Variants in LRP12 observed in about 807,000 individuals in gnomAD.
LRP12 encodes LDL receptor related protein 12.
Under a neutral mutation model 66.0 loss-of-function variants are expected in LRP12, and 14 were observed. The ratio of observed to expected loss-of-function variants is 0.21; its 90% CI spans 0.14 to 0.33. The LOEUF (loss-of-function observed/expected upper bound fraction) is 0.33. LRP12 is among the 10% of genes least tolerant of loss of function. The pLI, the probability that LRP12 is intolerant of heterozygous loss-of-function variation, is 1.00. For synonymous variants in LRP12, 357 were observed against 359.1 expected (o/e 0.99, Z 0.07); for missense variants, 889 against 1,053.4 (o/e 0.84, Z 2.16).
chr8:104,563,214 A>G (rs955779925), intron 1 of LRP12, among the ~76,000 whole-genome samples: 8 of 152,128 alleles, frequency 5.3e-5, no homozygotes, highest in African/African-American at 1.9e-4. Context: ...TGATGTATGT[A>G]TATGTATTTA....
rs538951513 is a variant in LRP12 at position 104,549,828 on chromosome 8, A to G, written c.80-17865T>C. On this transcript the variant is annotated intron_variant, in intron 1 of 6. Transcript: ENST00000276654. ...ACCTTTAAATAATTGACTCAGCTCTATCTCCAATGCCCTTGAAAACTCTAT... is the reference window on the plus strand; with the variant it reads ...ACCTTTAAATAATTGACTCAGCTCTGTCTCCAATGCCCTTGAAAACTCTAT... Among the ~76,000 whole-genome samples the G allele has an allele frequency of 4.3e-4, 66 of 152,266 alleles. No individual in the cohort carries two copies. In the South Asian group the frequency reaches 0.01, roughly 23 times the overall value.
At chr8:104,503,698 T>C (rs1196387926) in intron 3 of LRP12, among the ~76,000 whole-genome samples, 1 of 152,208 alleles carries the variant, frequency 6.6e-6, no homozygotes, top group Non-Finnish European at 1.5e-5. Context: ...ACACAGTACT[T>C]TCATACAATT....
At position 104,499,342 on chromosome 8, in the gene LRP12, CTT is replaced by C; in HGVS notation, c.448_449del (p.Lys150GlyfsTer12). On this transcript the variant is annotated frameshift_variant, in exon 4 of 7. Transcript: ENST00000276654. LOFTEE classifies it high-confidence loss of function. ...RFHSDDNISR[K>X]GFRLAYFSGK... Reference sequence around the variant, plus strand: ...CTGAAAAATATGCCAGTCTGAAACCCTTTCTAGAGATGTTGTCATCCGAATGA... The same window carrying C: ...CTGAAAAATATGCCAGTCTGAAACCCTCTAGAGATGTTGTCATCCGAATGA... 6.2e-7 allele frequency: 1 copy of C among 1,613,188 alleles called. No individual in the cohort carries two copies. The highest frequency in any genetic ancestry group is 8.5e-7 in the Non-Finnish European group (1 of 1,179,716).
intron 1 of LRP12, among the ~76,000 whole-genome samples, chr8:104,560,409 A>C (rs1811886473): frequency 6.6e-6 from 1 of 152,096 alleles, no homozygotes; most frequent in Non-Finnish European, 1.5e-5. Context: ...CGGTGTGCTT[A>C]CATTGACAAA....
intron 2 of LRP12, among the ~76,000 whole-genome samples, chr8:104,514,793 C>T (rs538984711): frequency 6.6e-6 from 1 of 152,232 alleles, no homozygotes; most frequent in South Asian, 2.1e-4. Flanking sequence ...GGATTACATG[C>T]AATTATTTTG....
At chr8:104,514,479 C>T (rs933404025) in intron 2 of LRP12, among the ~76,000 whole-genome samples, 2 of 148,338 alleles carry the variant, frequency 1.3e-5, no homozygotes, top group East Asian at 2.0e-4. Flanking sequence ...GAGGCCGAGG[C>T]GGGTGGATAA....
chr8:104,546,930 ATAT>A (rs1215279685), intron 1 of LRP12, among the ~76,000 whole-genome samples: 25 of 143,924 alleles, frequency 1.7e-4, no homozygotes, highest in African/African-American at 3.1e-4. Context: ...ATATAATTAT[ATAT>A]TATATTTTGT....
At chr8:104,545,438 T>A (rs1049408137) in intron 1 of LRP12, among the ~76,000 whole-genome samples, 4 of 152,174 alleles carry the variant, frequency 2.6e-5, no homozygotes, top group Non-Finnish European at 5.9e-5. Context: ...TCAAACAGCA[T>A]CACATGCTAC....
At position 104,512,934 on chromosome 8, in the gene LRP12, C is replaced by T. The variant is rs1811018943; in HGVS notation, c.137-3860G>A. 3.3e-5 allele frequency among the ~76,000 whole-genome samples: 5 copies of T among 152,050 alleles called. 1 individual carries two copies. The highest frequency in any genetic ancestry group is 1.3e-4 in the Admixed American group (2 of 15,256). On this transcript the variant is annotated intron_variant, in intron 2 of 6. Transcript: ENST00000276654. ...TAAAATATTAATGATTCTTCCTAAT[C>T]AAAAACAAAACCATAGTATCTTAAA... is the stretch of plus-strand genomic sequence containing the variant.
intron 3 of LRP12, chr8:104,507,559 T>C (rs1455466758): frequency 3.3e-5 from 5 of 152,228 alleles, no homozygotes; most frequent in Admixed American, 6.5e-5. Context: ...TCTAGTTTTA[T>C]GCTAAAAAAC....
chr8:104,516,244 T>G (rs1209368225), intron 2 of LRP12, among the ~76,000 whole-genome samples: 1 of 152,150 alleles, frequency 6.6e-6, no homozygotes, highest in Non-Finnish European at 1.5e-5. Context: ...GATAGCAACT[T>G]TCAAACGTAG....
intron 1 of LRP12, among the ~76,000 whole-genome samples, chr8:104,534,956 A>G (rs1440844924): frequency 6.6e-6 from 1 of 151,390 alleles, no homozygotes; most frequent in East Asian, 1.9e-4. Context: ...CAATCTTACT[A>G]TGACTAGTGT....
intron 1 of LRP12, among the ~76,000 whole-genome samples, chr8:104,550,914 T>A (rs1811715744): frequency 1.3e-5 from 2 of 152,146 alleles, no homozygotes; most frequent in South Asian, 4.1e-4. Flanking sequence ...TCTATCATTC[T>A]TTGCAATGCT....
intron 2 of LRP12, among the ~76,000 whole-genome samples, chr8:104,515,545 C>A (rs546674573): frequency 6.6e-6 from 1 of 152,148 alleles, no homozygotes; most frequent in South Asian, 2.1e-4. Flanking sequence ...TGGGAAGGTG[C>A]AAAATGCAGA....
rs977532824 is a variant in LRP12, at chr8:104,547,462, C to CTGTTA, written c.80-15504_80-15500dup. 6.3e-4 allele frequency among the ~76,000 whole-genome samples: 83 copies of CTGTTA among 131,434 alleles called. 2 individuals carry two copies. The Admixed American group carries it at 6.9e-3, about 11-fold the overall frequency. 86.2% of individuals were successfully genotyped at this position (131,434 alleles called of 152,430 possible). On this transcript the variant is annotated intron_variant, in intron 1 of 6. Coordinates refer to ENST00000276654, the MANE Select transcript of LRP12 (RefSeq NM_013437.5). ...TATATTTTGTATATAATATATAATT[C>CTGTTA]TGTTATATTTTGTATACAATATATA...
chr8:104,586,976 A>G (rs1051906117), intron 1 of LRP12, among the ~76,000 whole-genome samples: 1 of 152,058 alleles, frequency 6.6e-6, no homozygotes, highest in Non-Finnish European at 1.5e-5. Context: ...TGTGTTCCTC[A>G]CTGAACACAA....
chr8:104,580,107 T>C (rs1332044617), intron 1 of LRP12, among the ~76,000 whole-genome samples: 1 of 152,040 alleles, frequency 6.6e-6, no homozygotes, highest in African/African-American at 2.4e-5. Flanking sequence ...CGAGCTTCTG[T>C]CCAGCAAAGG....
At chr8:104,531,994 T>C (rs1337842534) in intron 1 of LRP12, 31 bp from the exon 2 acceptor site, 2 of 1,473,822 alleles carry the variant, frequency 1.4e-6, no homozygotes, top group Non-Finnish European at 1.8e-6. Flanking sequence ...TAAACTAATA[T>C]CCAAGATAAA....
intron 2 of LRP12, among the ~76,000 whole-genome samples, chr8:104,531,534 A>G (rs1811324852): frequency 2.0e-5 from 3 of 152,150 alleles, no homozygotes; most frequent in Admixed American, 2.0e-4. Context: ...TCAAGCAAAA[A>G]GCTTAATTTC....
Sources: gnomAD v4.1 joint callset for allele counts (sites outside exome capture counted in the v4.1 genomes callset) on GRCh38, gnomAD v4.1.1 for gene constraint, MANE v1.5 for transcripts, NCBI Gene and HGNC (gene_info 2026-07-23, HGNC 2026-07-21) for gene names.